IRAK3: variants seen among roughly 807,000 people sequenced by gnomAD.
IRAK3 encodes the protein interleukin-1 receptor-associated kinase 3.
A neutral mutation model predicts 56.6 loss-of-function variants in IRAK3; 57 were observed. The ratio of observed to expected loss-of-function variants is 1.01; its 90% confidence interval spans 0.81 to 1.26. The LOEUF (loss-of-function observed/expected upper bound fraction) is 1.26. IRAK3 is among the 50% of genes most tolerant of loss of function. The probability of loss-of-function intolerance (pLI) is 0.00; values close to 1 mark genes in which losing one functional copy is unlikely to be tolerated. For synonymous variants in IRAK3, 258 were observed against 255.7 expected, an observed-to-expected ratio of 1.01 and a Z score of -0.09; for missense variants, 703 against 719.0, an observed-to-expected ratio of 0.98 and a Z score of 0.25.
chr12:66,244,619 A>G lies in IRAK3; in HGVS notation c.1021A>G (p.Met341Val), dbSNP rs1251987506. ...TSSSSKHLWY[M>V]PEEYIRQGKL... ...CAGCAGCAGTAAACATCTGTGGTAC[A>G]TGCCAGAAGAGTACATCAGACAGGG... The change falls in exon 9 of 12, where the codon ATG (methionine) becomes GTG (valine). Residue 341 changes from methionine to valine, a missense_variant. Met to Val is a conservative substitution (Grantham distance 21). Transcript: ENST00000261233. The G allele has an allele frequency of 1.9e-6, 3 of 1,614,020 alleles. No homozygotes were observed. Among genetic ancestry groups the G allele is most frequent in the Non-Finnish European group, 2.5e-6 (3 of 1,179,974 alleles).
intron 8 of IRAK3, among the ~76,000 whole-genome samples, chr12:66,232,766 G>C (rs1592597077): frequency 6.6e-6 from 1 of 152,188 alleles, no homozygotes; most frequent in South Asian, 2.1e-4. Context: ...TGTAAGGGAA[G>C]ATAGCTTCTA....
At chr12:66,204,674 A>G (rs1054742545) in intron 2 of IRAK3, among the ~76,000 whole-genome samples, 2 of 152,082 alleles carry the variant, frequency 1.3e-5, no homozygotes, top group African/African-American at 4.8e-5. Context: ...ACTCTTTTGA[A>G]TCAACATCTT....
intron 8 of IRAK3, among the ~76,000 whole-genome samples, chr12:66,236,255 A>C (rs2052906354): frequency 6.6e-6 from 1 of 151,998 alleles, no homozygotes; most frequent in Non-Finnish European, 1.5e-5. Context: ...GACCACCAGA[A>C]ATCTGGGTTC....
intron 5 of IRAK3, among the ~76,000 whole-genome samples, chr12:66,215,790 A>ACGTGCG (rs1225435769): frequency 0.015 from 1,509 of 103,148 alleles, 43 homozygotes; most frequent in African/African-American, 0.037. Context: ...CAACATGCAC[A>ACGTGCG]CACACACACA....
chr12:66,229,382 C>T (rs566440598), intron 8 of IRAK3, among the ~76,000 whole-genome samples: 2 of 152,230 alleles, frequency 1.3e-5, no homozygotes, highest in African/African-American at 4.8e-5. Context: ...CATGAATACA[C>T]CTTTGCTGAA....
At chr12:66,210,246 A>G (rs1243004885) in intron 4 of IRAK3, 45 bp downstream of exon 4, 3 of 1,142,816 alleles carry the variant, frequency 2.6e-6, no homozygotes, top group East Asian at 4.7e-5. Flanking sequence ...TTAAAATCAT[A>G]CTTTCATTTA....
intron 8 of IRAK3, among the ~76,000 whole-genome samples, chr12:66,229,450 C>G (rs2052822426): frequency 6.6e-6 from 1 of 152,162 alleles, no homozygotes; most frequent in Non-Finnish European, 1.5e-5. Context: ...TTCCCAGTAT[C>G]TTGAAAAAAA....
chr12:66,245,529 C>A (rs1185054180), intron 11 of IRAK3, among the ~76,000 whole-genome samples: 2 of 75,390 alleles, frequency 2.7e-5, no homozygotes, highest in Non-Finnish European at 4.6e-5. Context: ...TTTATTCAAT[C>A]TTTTTTTTTT....
At chr12:66,193,438 A>T (rs986724719) in intron 1 of IRAK3, among the ~76,000 whole-genome samples, 3 of 152,202 alleles carry the variant, frequency 2.0e-5, no homozygotes, top group East Asian at 3.8e-4. Context: ...AACATCTTGC[A>T]TGAGTGTGCT....
Position 66,253,018 on chromosome 12 carries a change from G to A in IRAK3, c.*4847G>A, listed in dbSNP as rs943994454. The A allele has an allele frequency of 6.6e-6, 1 of 152,174 alleles. No homozygotes were observed. Among genetic ancestry groups the A allele is most frequent in the Non-Finnish European group, 1.5e-5 (1 of 68,042 alleles). 9.4% of individuals were successfully genotyped at this position (152,174 alleles called of 1,614,324 possible). A position where few individuals can be genotyped will look rare whatever the true frequency, so the allele number is the denominator to read the frequency against. On this transcript the variant is annotated 3_prime_UTR_variant, in exon 12 of 12. Transcript: ENST00000261233. Reference sequence around the variant, plus strand: ...TATTTCTTCTTCCACAAAACTGCAGGTTCCCTGAGGGAAAGGTCTATGTCC... The same window carrying A: ...TATTTCTTCTTCCACAAAACTGCAGATTCCCTGAGGGAAAGGTCTATGTCC...
intron 1 of IRAK3, among the ~76,000 whole-genome samples, chr12:66,195,350 A>G (rs2052440780): frequency 6.6e-6 from 1 of 152,176 alleles, no homozygotes; most frequent in African/African-American, 2.4e-5. Context: ...ACTCCCTGCT[A>G]CTGCCCTTGA....
At chr12:66,224,421 A>C (rs1308920840) in intron 6 of IRAK3, among the ~76,000 whole-genome samples, 2 of 152,340 alleles carry the variant, frequency 1.3e-5, no homozygotes, top group East Asian at 3.9e-4. Flanking sequence ...GAGGAAATAC[A>C]GAGCACAGAG....
intron 6 of IRAK3, among the ~76,000 whole-genome samples, chr12:66,219,251 C>T (rs941431845): frequency 2.0e-5 from 3 of 152,212 alleles, no homozygotes; most frequent in Non-Finnish European, 4.4e-5. Flanking sequence ...ACCCAAATCT[C>T]ATCCTGAATA....
intron 8 of IRAK3, 29 bp downstream of exon 8, chr12:66,228,399 C>A: frequency 1.4e-6 from 2 of 1,454,010 alleles, no homozygotes; most frequent in Non-Finnish European, 1.9e-6. Flanking sequence ...TTTGGTTATA[C>A]CTGAAAGCTT....
At chr12:66,224,985 A>C (rs1453372429) in intron 6 of IRAK3, among the ~76,000 whole-genome samples, 1 of 152,204 alleles carries the variant, frequency 6.6e-6, no homozygotes, top group Non-Finnish European at 1.5e-5. Flanking sequence ...CATAGGTACA[A>C]CACCAGCAAA....
intron 1 of IRAK3, among the ~76,000 whole-genome samples, chr12:66,189,816 A>G (rs1276513059): frequency 1.3e-5 from 2 of 152,106 alleles, no homozygotes; most frequent in African/African-American, 4.8e-5. Flanking sequence ...ACATTTTTAG[A>G]ACTTTGAGAT....
Position 66,244,587 on chromosome 12 carries a change from T to C in IRAK3, c.989T>C (p.Met330Thr). Reference protein sequence around the residue: ...HLEHQSCTINMTSSSSKHLWY... With the variant: ...HLEHQSCTINTTSSSSKHLWY... ...GAACATCAGAGTTGTACCATAAATA[T>C]GACCAGCAGCAGCAGTAAACATCTG... Residue 330 changes from methionine to threonine, a missense_variant, in exon 9 of 12, where the codon ATG becomes ACG. Transcript: ENST00000261233. The C allele has an allele frequency of 1.2e-6, 2 of 1,613,984 alleles. No homozygotes were observed. Among genetic ancestry groups the C allele is most frequent in the African/African-American group, 1.3e-5 (1 of 75,016 alleles).
chr12:66,233,520 A>AAG (rs1555204657), intron 8 of IRAK3, among the ~76,000 whole-genome samples: 3 of 20,448 alleles, frequency 1.5e-4, no homozygotes, highest in African/African-American at 3.9e-4. Context: ...TCCGTCTCGG[A>AAG]AAAAAAAAAA....
At chr12:66,210,238 A>T (rs1272949579) in intron 4 of IRAK3, 37 bp downstream of exon 4, 4 of 1,224,338 alleles carry the variant, frequency 3.3e-6, no homozygotes, top group African/African-American at 1.5e-5. Context: ...CAATTTTTTT[A>T]AAATCATACT....
Sources: allele counts gnomAD v4.1 joint callset (sites outside exome capture counted in the v4.1 genomes callset), GRCh38; gene constraint gnomAD v4.1.1; transcripts MANE v1.5; gene names NCBI Gene and HGNC (gene_info 2026-07-23, HGNC 2026-07-21).